Variants in RANBP2 observed in about 807,000 individuals in gnomAD.
RANBP2 encodes the protein RAN binding protein 2.
A neutral mutation model predicts 303.6 loss-of-function variants in RANBP2; 57 were observed. The observed-to-expected ratio is 0.19, with a 90% CI of 0.15 to 0.23. The LOEUF (loss-of-function observed/expected upper bound fraction) is 0.23. Ranked by LOEUF, RANBP2 falls within the 10% of genes least tolerant of loss-of-function variation. The pLI, the probability that RANBP2 is intolerant of heterozygous loss-of-function variation, is 1.00. For missense variants in RANBP2, 3,138 were observed against 3,780.8 expected, an observed-to-expected ratio of 0.83 and a Z score of 4.46; for synonymous variants, 1,167 against 1,301.5, an observed-to-expected ratio of 0.90 and a Z score of 2.23.
chr2:109,637,963 C>T, the RANBP2 span, among the ~76,000 whole-genome samples: 1 of 152,142 alleles, frequency 6.6e-6, no homozygotes, highest in Non-Finnish European at 1.5e-5. Context: ...ATCTCAAAAA[C>T]CAACCAACAA....
chr2:109,228,541 T>C, the RANBP2 span, among the ~76,000 whole-genome samples: 461 of 152,316 alleles, frequency 3.0e-3, 2 homozygotes, highest in African/African-American at 0.01. Flanking sequence ...CATGTGGAGC[T>C]AGTATGGACC....
At chr2:108,990,556 A>AGG in the RANBP2 span, among the ~76,000 whole-genome samples, 1 of 152,158 alleles carries the variant, frequency 6.6e-6, no homozygotes, top group African/African-American at 2.4e-5. Flanking sequence ...AGATTGTGCC[A>AGG]CTGCACTCCA....
the RANBP2 span, among the ~76,000 whole-genome samples, chr2:109,080,544 A>T: frequency 6.6e-6 from 1 of 152,146 alleles, no homozygotes; most frequent in East Asian, 1.9e-4. Context: ...CATCTATCTC[A>T]CTGTCACCCA....
the RANBP2 span, chr2:109,565,760 T>C: frequency 1.2e-6 from 2 of 1,612,094 alleles, no homozygotes; most frequent in Non-Finnish European, 1.7e-6. Context: ...TTGTCTCATT[T>C]ACCTTGTACA....
chr2:109,079,361 T>C, the RANBP2 span, among the ~76,000 whole-genome samples: 1 of 152,220 alleles, frequency 6.6e-6, no homozygotes, highest in African/African-American at 2.4e-5. Flanking sequence ...GTTTGTGTTA[T>C]CTGCAAGGCT....
chr2:109,100,967 G>A, the RANBP2 span, among the ~76,000 whole-genome samples: 88 of 152,240 alleles, frequency 5.8e-4, no homozygotes, highest in Middle Eastern at 3.4e-3. Context: ...AAAATCCAAT[G>A]GTGCAATATC....
the RANBP2 span, among the ~76,000 whole-genome samples, chr2:108,843,990 A>T: frequency 4.4e-4 from 64 of 145,712 alleles, 1 homozygote; most frequent in African/African-American, 1.5e-3. Context: ...TCCTGGGCTC[A>T]AGCTGGGACC....
At chr2:109,712,360 G>A in the RANBP2 span, among the ~76,000 whole-genome samples, 6 of 152,186 alleles carry the variant, frequency 3.9e-5, no homozygotes, top group East Asian at 3.9e-4. Context: ...TCACTCTCAG[G>A]GCTATGTAGA....
At chr2:108,781,204 T>G in intron 25 of RANBP2, 65 bp from the exon 26 acceptor site, 5 of 1,499,644 alleles carry the variant, frequency 3.3e-6, no homozygotes, top group Non-Finnish European at 4.6e-6. Context: ...ATTGATAAAA[T>G]AAGAGGGGGA....
the RANBP2 span, among the ~76,000 whole-genome samples, chr2:109,368,626 TTCTTG>T: frequency 6.6e-6 from 1 of 151,570 alleles, no homozygotes; most frequent in Non-Finnish European, 1.5e-5. Flanking sequence ...ATATTTATAC[TTCTTG>T]TCTTATTTTT....
chr2:109,612,649 C>A, the RANBP2 span, among the ~76,000 whole-genome samples: 2 of 152,152 alleles, frequency 1.3e-5, no homozygotes, highest in African/African-American at 4.8e-5. Flanking sequence ...TGTTTGGATA[C>A]GTAATCTATG....
chr2:109,497,356 CTG>C, the RANBP2 span, among the ~76,000 whole-genome samples: 1 of 152,164 alleles, frequency 6.6e-6, no homozygotes, highest in African/African-American at 2.4e-5. Flanking sequence ...TTTGCAGACT[CTG>C]TTGTCAGGGA....
chr2:109,465,222 A>T, the RANBP2 span, among the ~76,000 whole-genome samples: 1 of 152,192 alleles, frequency 6.6e-6, no homozygotes, highest in Non-Finnish European at 1.5e-5. Context: ...CCATTTACTT[A>T]CCAAAGGACA....
chr2:108,797,836 A>G, the RANBP2 span, among the ~76,000 whole-genome samples: 1 of 152,198 alleles, frequency 6.6e-6, no homozygotes, highest in Non-Finnish European at 1.5e-5. Context: ...CTCAAAATAG[A>G]CACTTTGGAG....
the RANBP2 span, among the ~76,000 whole-genome samples, chr2:108,902,323 C>T: frequency 1.3e-5 from 2 of 152,026 alleles, no homozygotes; most frequent in African/African-American, 4.8e-5. Context: ...TTGCAGTGAG[C>T]GAGGATTGTG....
the RANBP2 span, among the ~76,000 whole-genome samples, chr2:109,148,384 C>T: frequency 6.6e-6 from 1 of 152,178 alleles, no homozygotes; most frequent in East Asian, 1.9e-4. Flanking sequence ...CATGAGCCAG[C>T]CATCATAGGG....
chr2:109,529,108 C>T, the RANBP2 span, among the ~76,000 whole-genome samples: 4 of 152,198 alleles, frequency 2.6e-5, no homozygotes, highest in African/African-American at 9.7e-5. Flanking sequence ...TCCAGGCACC[C>T]GGTGGCTGCA....
Position 108,764,126 on chromosome 2 carries a change from G to A in RANBP2, c.3587G>A (p.Cys1196Tyr). ...GAGGAAGATGAAGAAGAATTCTTTT[G>A]CAACCGCGCGAAATTGTTTCGTTTC... The part of the protein sequence containing the change: ...TGEEDEEEFF[C>Y]NRAKLFRFDV... The change falls in exon 20 of 29, where the codon TGC (cysteine) becomes TAC (tyrosine). Residue 1196 changes from cysteine to tyrosine, a missense_variant. Physicochemically the swap from Cys to Tyr is radical, Grantham distance 194. Coordinates refer to ENST00000283195, the MANE Select transcript of RANBP2 (RefSeq NM_006267.5). The A allele has an allele frequency of 6.2e-7, 1 of 1,614,050 alleles. No individual in the cohort carries two copies. The highest frequency in any genetic ancestry group is 8.5e-7 in the Non-Finnish European group (1 of 1,179,974).
the RANBP2 span, among the ~76,000 whole-genome samples, chr2:109,117,855 C>T: frequency 6.6e-6 from 1 of 152,242 alleles, no homozygotes; most frequent in African/African-American, 2.4e-5. Context: ...AAAACCTTGC[C>T]CACACTCATC....
Sources: allele counts gnomAD v4.1 joint callset (sites outside exome capture counted in the v4.1 genomes callset), GRCh38; gene constraint gnomAD v4.1.1; transcripts MANE v1.5; gene names NCBI Gene and HGNC (gene_info 2026-07-23, HGNC 2026-07-21).